Variants in TRIM55 observed in about 807,000 individuals in gnomAD.
The protein encoded by TRIM55 is tripartite motif-containing protein 55.
Under a neutral mutation model 60.9 loss-of-function variants are expected in TRIM55, and 50 were observed. The ratio of observed to expected loss-of-function variants is 0.82; its 90% CI spans 0.65 to 1.04. TRIM55 has a LOEUF of 1.04. TRIM55 is among the 50% of genes least tolerant of loss of function. The pLI is 0.00. For missense variants in TRIM55, 681 were observed against 666.9 expected, an observed-to-expected ratio of 1.02 and a Z score of -0.23; for synonymous variants, 237 against 238.1, an observed-to-expected ratio of 1.00 and a Z score of 0.04.
intron 9 of TRIM55, among the ~76,000 whole-genome samples, chr8:66,162,780 G>A (rs998801080): frequency 6.6e-6 from 1 of 151,900 alleles, no homozygotes; most frequent in African/African-American, 2.4e-5. Flanking sequence ...TTTATAGTTT[G>A]TGCTTTTTAT....
At chr8:66,138,817 A>G (rs573060643) in intron 4 of TRIM55, among the ~76,000 whole-genome samples, 2 of 152,342 alleles carry the variant, frequency 1.3e-5, no homozygotes, top group African/African-American at 4.8e-5. Flanking sequence ...AAATAAGCAG[A>G]AGCAAAATGC....
intron 9 of TRIM55, among the ~76,000 whole-genome samples, chr8:66,158,552 T>C (rs1318050058): frequency 6.6e-6 from 1 of 152,166 alleles, no homozygotes. Context: ...AGTTTTCTCA[T>C]CAGGAAAATA....
At chr8:66,124,178 G>C (rs183407413), upstream of TRIM55, among the ~76,000 whole-genome samples, 9 of 152,172 alleles carry the variant, frequency 5.9e-5, no homozygotes, top group African/African-American at 9.6e-5. Context: ...AGGGCTTCGC[G>C]ACCTCTCACC....
At chr8:66,168,336 C>T (rs1432253281) in intron 9 of TRIM55, among the ~76,000 whole-genome samples, 1 of 152,244 alleles carries the variant, frequency 6.6e-6, no homozygotes, top group Non-Finnish European at 1.5e-5. Flanking sequence ...GCTGTACTCT[C>T]CTTCCCAGTT....
At chr8:66,126,706 G>T (rs1808831690), upstream of TRIM55, among the ~76,000 whole-genome samples, 1 of 152,120 alleles carries the variant, frequency 6.6e-6, no homozygotes, top group Admixed American at 6.5e-5. Context: ...GACATGTTTT[G>T]TTCATTTTCA....
chr8:66,174,605 A>C lies in TRIM55; in HGVS notation c.*12A>C. On this transcript the variant is annotated 3_prime_UTR_variant, in exon 10 of 10. Transcript: ENST00000315962. Reference sequence around the variant, plus strand: ...CCCTAAATGAATGATATTCATTCCAACTGCTGCCCCTCTGTCTGCCTGGCT... The same window carrying C: ...CCCTAAATGAATGATATTCATTCCACCTGCTGCCCCTCTGTCTGCCTGGCT... The C allele has an allele frequency of 6.3e-7, 1 of 1,584,514 alleles. No individual in the cohort carries two copies.
chr8:66,142,220 T>C lies in TRIM55; in HGVS notation c.603+5030T>C, dbSNP rs370209682. On this transcript the variant is annotated intron_variant, in intron 4 of 9. Coordinates refer to ENST00000315962, the MANE Select transcript of TRIM55 (RefSeq NM_184085.2). ...CACTTATTCTGATGATGTGATCCAA[T>C]AGGAACCTCTAGAGATTCTGGAGCA... Among the ~76,000 whole-genome samples the C allele has an allele frequency of 3.3e-5, 5 of 152,308 alleles. No individual in the cohort carries two copies. In the South Asian group the frequency reaches 1.0e-3, roughly 32 times the overall value.
chr8:66,134,943 T>C (rs369912799), intron 2 of TRIM55, 47 bp from the exon 3 acceptor site: 3 of 1,598,230 alleles, frequency 1.9e-6, no homozygotes, highest in Non-Finnish European at 2.6e-6. Flanking sequence ...TTGATGAGAT[T>C]GCCCCAGTGA....
chr8:66,149,328 A>G (rs1810275157), intron 4 of TRIM55, among the ~76,000 whole-genome samples: 1 of 152,238 alleles, frequency 6.6e-6, no homozygotes, highest in South Asian at 2.1e-4. Flanking sequence ...TAACCTATGT[A>G]ACCCAAATAT....
chr8:66,114,211 A>G, the TRIM55 span, among the ~76,000 whole-genome samples: 1 of 151,816 alleles, frequency 6.6e-6, no homozygotes, highest in Non-Finnish European at 1.5e-5. Flanking sequence ...CAAATGGTAG[A>G]GCGCTCGCTT....
In TRIM55 at chr8:66,149,756, G is replaced by A; in HGVS notation, c.715G>A (p.Glu239Lys). Reference sequence around the variant, plus strand: ...CCAAGTCATTACCCGAACCCAAGAGGAGAAACTGGAACATGTCCGTGCTCT... The same window carrying A: ...CCAAGTCATTACCCGAACCCAAGAGAAGAAACTGGAACATGTCCGTGCTCT... ...MTQVITRTQE[E>K]KLEHVRALIK... The change falls in exon 5 of 10, where the codon GAG becomes AAG. Residue 239 changes from glutamate (E) to lysine (K), a missense_variant. Transcript: ENST00000315962. The A allele has an allele frequency of 1.9e-6, 3 of 1,614,184 alleles. No homozygotes were observed. Among genetic ancestry groups the A allele is most frequent in the Non-Finnish European group, 2.5e-6 (3 of 1,180,012 alleles).
chr8:66,114,622 G>A, the TRIM55 span: 1 of 456,334 alleles, frequency 2.2e-6, no homozygotes, highest in Non-Finnish European at 4.4e-6. Context: ...AACAAAACAA[G>A]AAACAGAGAA....
chr8:66,113,746 C>T, the TRIM55 span: 2 of 353,444 alleles, frequency 5.7e-6, no homozygotes, highest in East Asian at 8.4e-5. Context: ...CCGAGTCACA[C>T]AGGAGGCAGC....
chr8:66,127,335 C>A lies in TRIM55; in HGVS notation c.67C>A (p.Gln23Lys). The A allele has an allele frequency of 3.1e-6, 5 of 1,614,138 alleles. No individual in the cohort carries two copies. Among genetic ancestry groups the A allele is most frequent in the Non-Finnish European group, 4.2e-6 (5 of 1,180,010 alleles). Residue 23 changes from glutamine (Q) to lysine (K), a missense_variant, in exon 1 of 10, where the codon CAA becomes AAA. By Grantham distance (53) the Gln-to-Lys change is moderately conservative (BLOSUM62 1). Coordinates refer to ENST00000315962, the MANE Select transcript of TRIM55 (RefSeq NM_184085.2). ...EQQTMDNLEKQLICPICLEMF... is the reference protein window; with the variant it reads ...EQQTMDNLEKKLICPICLEMF... ...GCAGACCATGGATAACTTAGAGAAG[C>A]AACTCATCTGTCCCATCTGCTTAGA...
Position 66,152,409 on chromosome 8 carries a change from G to A in TRIM55, c.1018G>A (p.Glu340Lys), listed in dbSNP as rs761920680. The A allele has an allele frequency of 7.5e-6, 12 of 1,608,312 alleles. No individual in the cohort carries two copies. The South Asian group carries it at 1.3e-4, about 18-fold the overall frequency. ...DEDEEEEEGGEGEKEGEGEVG... is the reference protein window; with the variant it reads ...DEDEEEEEGGKGEKEGEGEVG... The stretch of plus-strand genomic sequence containing the variant: ...AGATGAAGAAGAAGAAGAAGGCGGA[G>A]AAGGAGAAAAAGAAGGAGAAGGAGA... The change falls in exon 8 of 10, where the codon GAA becomes AAA. Residue 340 changes from glutamate to lysine, a missense_variant. Physicochemically the swap from Glu to Lys is moderately conservative, Grantham distance 56. Transcript: ENST00000315962.
chr8:66,152,284 T>A, intron 7 of TRIM55, 93 bp from the exon 8 acceptor site: 1 of 1,468,752 alleles, frequency 6.8e-7, no homozygotes, highest in Admixed American at 2.5e-5. Context: ...TCCCCAGCCT[T>A]GACCTTAACT....
At chr8:66,169,072 A>C (rs1811476451) in intron 9 of TRIM55, among the ~76,000 whole-genome samples, 1 of 152,186 alleles carries the variant, frequency 6.6e-6, no homozygotes, top group Non-Finnish European at 1.5e-5. Context: ...TGGGAAACTT[A>C]GAGACTCAAA....
Position 66,174,812 on chromosome 8 carries a change from A to G in TRIM55, c.*219A>G. The G allele has an allele frequency of 2.9e-6, 1 of 346,212 alleles. No individual in the cohort carries two copies. The allele number at this position is 346,212 out of a possible 1,614,324, so 21.4% of individuals were successfully genotyped here. The stretch of plus-strand genomic sequence containing the variant: ...TTGCAGAAAGCACTGGAAATAATAA[A>G]CTTGATCTTATACAAATCTTCTATT... On this transcript the variant is annotated 3_prime_UTR_variant, in exon 10 of 10. Coordinates refer to ENST00000315962, the MANE Select transcript of TRIM55 (RefSeq NM_184085.2).
intron 5 of TRIM55, 63 bp downstream of exon 5, chr8:66,149,941 A>T: frequency 7.7e-7 from 1 of 1,295,524 alleles, no homozygotes; most frequent in South Asian, 1.3e-5. Context: ...ATTAGTTATC[A>T]CATTTTTATT....
Sources: allele counts gnomAD v4.1 joint callset (sites outside exome capture counted in the v4.1 genomes callset), GRCh38; gene constraint gnomAD v4.1.1; transcripts MANE v1.5; gene names NCBI Gene and HGNC (gene_info 2026-07-23, HGNC 2026-07-21).